The following PRSS55 variants were observed in gnomAD, a reference collection of about 807,000 sequenced individuals.
The protein encoded by PRSS55 is probable serine protease UNQ9391/PRO34284.
A neutral mutation model predicts 23.6 loss-of-function variants in PRSS55; 41 were observed. That is an observed-to-expected ratio of 1.74 (90% CI 1.35 to 2.26). The LOEUF (loss-of-function observed/expected upper bound fraction) is 2.26, where lower values mean the gene tolerates loss of function less well. Among genes scored for constraint, PRSS55 ranks in the 30% most tolerant of loss-of-function variants. PRSS55 has a pLI of 0.00. For synonymous variants in PRSS55, 262 were observed against 175.5 expected, an observed-to-expected ratio of 1.49 and a Z score of -3.90; for missense variants, 669 against 439.1, an observed-to-expected ratio of 1.52 and a Z score of -4.68.
intron 4 of PRSS55, chr8:10,545,075 GC>G: frequency 1.1e-6 from 1 of 935,196 alleles, no homozygotes; most frequent in Non-Finnish European, 1.3e-6. Context: ...AAAGACCAGG[GC>G]TTTTGGTTTT....
intron 4 of PRSS55, among the ~76,000 whole-genome samples, chr8:10,552,049 C>T (rs2117088562): frequency 6.6e-6 from 1 of 152,308 alleles, no homozygotes; most frequent in South Asian, 2.1e-4. Flanking sequence ...GGCACCGTTT[C>T]CTGCCTTGCC....
intron 4 of PRSS55, among the ~76,000 whole-genome samples, chr8:10,549,771 C>T (rs749579547): frequency 2.7e-5 from 4 of 147,436 alleles, no homozygotes; most frequent in Non-Finnish European, 6.0e-5. Flanking sequence ...AGCACAGGCA[C>T]AGCCAGCAGC....
intron 1 of PRSS55, among the ~76,000 whole-genome samples, chr8:10,527,687 G>C (rs569111174): frequency 7.2e-5 from 11 of 152,336 alleles, no homozygotes; most frequent in African/African-American, 2.6e-4. Context: ...GCCGGCCTGG[G>C]GCTCATATCA....
At chr8:10,535,748 A>G (rs1812431981) in intron 4 of PRSS55, among the ~76,000 whole-genome samples, 1 of 152,258 alleles carries the variant, frequency 6.6e-6, no homozygotes, top group African/African-American at 2.4e-5. Flanking sequence ...CTGCACAGCT[A>G]AGGAAACTAT....
chr8:10,529,336 C>T (rs561109950), intron 1 of PRSS55, 171 bp from the exon 2 acceptor site: 10 of 664,602 alleles, frequency 1.5e-5, no homozygotes, highest in Middle Eastern at 4.0e-4. Flanking sequence ...AACCATCTGC[C>T]GGCTGATGTC....
intron 3 of PRSS55, 197 bp downstream of exon 3, chr8:10,531,742 A>G: frequency 1.5e-6 from 1 of 650,580 alleles, no homozygotes; most frequent in Non-Finnish European, 2.6e-6. Context: ...CCAGTCCCCT[A>G]GTGCAGTCTG....
At chr8:10,543,425 T>TTCCG (rs1194711406), downstream of PRSS55, among the ~76,000 whole-genome samples, 3 of 23,360 alleles carry the variant, frequency 1.3e-4, no homozygotes, top group Non-Finnish European at 3.1e-4. Context: ...TCTTTCTTTC[T>TTCCG]TCCTTCCTTC....
chr8:10,542,294 C>T (rs1812678244), downstream of PRSS55, among the ~76,000 whole-genome samples: 1 of 151,846 alleles, frequency 6.6e-6, no homozygotes, highest in African/African-American at 2.4e-5. Context: ...ATCTGTTGGA[C>T]ATCAAGGGAA....
intron 4 of PRSS55, among the ~76,000 whole-genome samples, chr8:10,535,320 C>T (rs1812416965): frequency 1.3e-5 from 2 of 152,176 alleles, no homozygotes; most frequent in Admixed American, 6.5e-5. Context: ...TCAAACTATA[C>T]TACAGGGCTA....
Position 10,525,613 on chromosome 8 carries a change from C to T in PRSS55, c.28C>T (p.Leu10=), listed in dbSNP as rs1811986389. Residue 10 remains leucine, a synonymous_variant, in exon 1 of 5, where the codon CTG becomes TTG. Transcript: ENST00000328655. The part of the protein sequence containing the change: MLLFSVLLL[L]SLVTGTQLGP... The stretch of plus-strand genomic sequence containing the variant: ...GCTCCTGTTCTCAGTGTTGCTGCTC[C>T]TGTCCCTGGTCACGGGAACTCAGCT... 1 of 1,614,150 alleles carries T rather than the reference C, an allele frequency of 6.2e-7. No individual in the cohort carries two copies. Among genetic ancestry groups the T allele is most frequent in the Non-Finnish European group, 8.5e-7 (1 of 1,180,006 alleles).
Position 10,533,037 on chromosome 8 carries a change from GAT to G in PRSS55, c.731_732del (p.Asp244GlyfsTer5), listed in dbSNP as rs753143878. ...LCAGYKNESY[D>X]ACKGDSGGPL... is the part of the protein sequence containing the mutation. ...TGCCGGATACAAGAATGAGAGCTAT[GAT>G]GCCTGCAAGGTAACTAGGGGGTACC... is the stretch of plus-strand genomic sequence containing the variant. On this transcript the variant is annotated frameshift_variant, in exon 4 of 5. Coordinates refer to ENST00000328655, the MANE Select transcript of PRSS55 (RefSeq NM_198464.4). LOFTEE classifies it low-confidence loss of function (END_TRUNC). 1 of 1,614,200 alleles carries G rather than the reference GAT, an allele frequency of 6.2e-7. No homozygotes were observed. The highest frequency in any genetic ancestry group is 1.1e-5 in the South Asian group (1 of 91,080).
intron 1 of PRSS55, among the ~76,000 whole-genome samples, chr8:10,525,941 C>T (rs758762152): frequency 1.3e-5 from 2 of 152,204 alleles, no homozygotes; most frequent in Non-Finnish European, 2.9e-5. Context: ...TGAAACCTGA[C>T]ACTTTATCCT....
intron 4 of PRSS55, among the ~76,000 whole-genome samples, chr8:10,534,957 C>G (rs777306097): frequency 2.6e-5 from 4 of 152,130 alleles, no homozygotes; most frequent in Non-Finnish European, 4.4e-5. Context: ...AAAATGCAAT[C>G]CCATTCACAA....
downstream of PRSS55, among the ~76,000 whole-genome samples, chr8:10,542,495 A>G (rs1220869710): frequency 1.3e-5 from 2 of 151,912 alleles, no homozygotes; most frequent in African/African-American, 4.8e-5. Flanking sequence ...GCTGATGTTA[A>G]TGTTTTGTAT....
chr8:10,547,551 C>G (rs925081969), intron 4 of PRSS55: 6 of 152,960 alleles, frequency 3.9e-5, no homozygotes, highest in Non-Finnish European at 8.7e-5. Context: ...GCTGCCTCGC[C>G]ACATCCCTGG....
intron 1 of PRSS55, among the ~76,000 whole-genome samples, chr8:10,526,148 C>T (rs1384693930): frequency 6.6e-6 from 1 of 152,184 alleles, no homozygotes; most frequent in African/African-American, 2.4e-5. Context: ...CCCGGCCCCC[C>T]AGAGCTCCCT....
chr8:10,533,246 T>A (rs1001889461), intron 4 of PRSS55, among the ~76,000 whole-genome samples, 198 bp downstream of exon 4: 1 of 152,248 alleles, frequency 6.6e-6, no homozygotes, highest in Non-Finnish European at 1.5e-5. Context: ...GGAGTCAATA[T>A]GCTGCAACCC....
At chr8:10,529,769 ACACCTGGTGG>A (rs1563536169) in intron 2 of PRSS55, 70 bp downstream of exon 2, 1 of 1,473,472 alleles carries the variant, frequency 6.8e-7, no homozygotes, top group Non-Finnish European at 9.3e-7. Context: ...CCCCTCACCC[ACACCTGGTGG>A]CTGAGAGGAA....
chr8:10,525,669 A>C lies in PRSS55; in HGVS notation c.84A>C (p.Gly28=). The C allele has an allele frequency of 1.2e-6, 2 of 1,614,014 alleles. No homozygotes were observed. Among genetic ancestry groups the C allele is most frequent in the Non-Finnish European group, 1.7e-6 (2 of 1,180,016 alleles). ...LGPRTPLPEA[G]VAILGRARGA... Reference sequence around the variant, plus strand: ...CACGGACTCCTCTCCCAGAGGCTGGAGTGGCTATCCTAGGCAGGGCTAGGG... The same window carrying C: ...CACGGACTCCTCTCCCAGAGGCTGGCGTGGCTATCCTAGGCAGGGCTAGGG... The change falls in exon 1 of 5, where the codon GGA becomes GGC. Residue 28 remains glycine, a synonymous_variant. Transcript: ENST00000328655.
Sources: allele counts gnomAD v4.1 joint callset (sites outside exome capture counted in the v4.1 genomes callset), GRCh38; gene constraint gnomAD v4.1.1; transcripts MANE v1.5; gene names NCBI Gene and HGNC (gene_info 2026-07-23, HGNC 2026-07-21).